The following GALNT18 variants were observed in gnomAD, a reference collection of about 807,000 sequenced individuals.
GALNT18 encodes the protein GalNAc-transferase 18.
GALNT18 carries 44 observed loss-of-function variants against 69.5 expected under a neutral mutation model. The ratio of observed to expected loss-of-function variants is 0.63; its 90% CI spans 0.50 to 0.81. The LOEUF is 0.81. Among genes scored for constraint, GALNT18 ranks in the 40% least tolerant of loss-of-function variants. GALNT18 has a pLI of 0.00. For synonymous variants in GALNT18, 364 were observed against 318.2 expected (o/e 1.14, Z -1.53); for missense variants, 715 against 810.0 (o/e 0.88, Z 1.42).
chr11:11,511,013 C>T lies in GALNT18; in HGVS notation c.236-62077G>A, dbSNP rs914585437. 3.9e-5 allele frequency among the ~76,000 whole-genome samples: 6 copies of T among 152,052 alleles called. No homozygotes were observed. The highest frequency in any genetic ancestry group is 1.9e-4 in the East Asian group (1 of 5,168). On this transcript the variant is annotated intron_variant, in intron 1 of 10. Coordinates refer to ENST00000227756, the MANE Select transcript of GALNT18 (RefSeq NM_198516.3). This position sits in a 1 kb window ranked among gnomAD's most constrained non-coding sequence, Gnocchi z 4.9. ...AGACACAACCGGCACTCTTTCCTCT[C>T]GGCGGGGCGTGCAGCTGGTACCGCC...
chr11:11,336,835 TG>T (rs1174917298), intron 7 of GALNT18, among the ~76,000 whole-genome samples: 2 of 152,188 alleles, frequency 1.3e-5, no homozygotes, highest in Non-Finnish European at 2.9e-5. Flanking sequence ...AACGAGAGTC[TG>T]GGAGTTTCAG....
intron 2 of GALNT18, among the ~76,000 whole-genome samples, chr11:11,433,598 G>T (rs1855326178): frequency 6.6e-6 from 1 of 152,158 alleles, no homozygotes; most frequent in African/African-American, 2.4e-5. Flanking sequence ...GAAGCCATTT[G>T]GTGGTCTCTT....
intron 10 of GALNT18, among the ~76,000 whole-genome samples, chr11:11,281,934 G>C (rs1179765947): frequency 1.3e-5 from 2 of 151,964 alleles, no homozygotes; most frequent in Non-Finnish European, 2.9e-5. Context: ...GGGTGCTCTA[G>C]AACTGGTAGT....
chr11:11,609,922 T>A (rs547249734), intron 1 of GALNT18, among the ~76,000 whole-genome samples: 3 of 152,276 alleles, frequency 2.0e-5, no homozygotes, highest in Admixed American at 1.3e-4. Flanking sequence ...GCCCTGAGCC[T>A]AGAGGACCCC....
chr11:11,278,769 G>A (rs143828306), intron 10 of GALNT18, among the ~76,000 whole-genome samples: 26 of 152,106 alleles, frequency 1.7e-4, no homozygotes, highest in African/African-American at 4.8e-4. Context: ...TTCGATAGAA[G>A]GAATAAGCTC....
intron 3 of GALNT18, among the ~76,000 whole-genome samples, chr11:11,403,091 T>A (rs1854504436): frequency 6.6e-6 from 1 of 151,902 alleles, no homozygotes; most frequent in Non-Finnish European, 1.5e-5. Context: ...AAATCAGGGG[T>A]CTGTACAGCA....
chr11:11,546,901 G>C lies in GALNT18; in HGVS notation c.235+74458C>G, dbSNP rs578089993. ...GGAGATGTGTATGGATGAATGGATA[G>C]ATGGGTAGGTGGATGGATATGGAAT... is the stretch of plus-strand genomic sequence containing the variant. On this transcript the variant is annotated intron_variant, in intron 1 of 10. Coordinates refer to ENST00000227756, the MANE Select transcript of GALNT18 (RefSeq NM_198516.3). The surrounding 1 kb of genome is among the most constrained non-coding windows in gnomAD (Gnocchi z 5.8). Among the ~76,000 whole-genome samples, 2 of 152,138 alleles carry C rather than the reference G, an allele frequency of 1.3e-5. No individual in the cohort carries two copies. The highest frequency in any genetic ancestry group is 2.9e-5 in the Non-Finnish European group (2 of 67,996).
At chr11:11,418,931 A>G (rs948732858) in intron 3 of GALNT18, among the ~76,000 whole-genome samples, 2 of 152,162 alleles carry the variant, frequency 1.3e-5, no homozygotes, top group African/African-American at 4.8e-5. Context: ...AAACTGCCCA[A>G]TGCCCCTTAA....
chr11:11,585,662 T>C (rs12806742), intron 1 of GALNT18, among the ~76,000 whole-genome samples: 2 of 152,074 alleles, frequency 1.3e-5, no homozygotes, highest in Non-Finnish European at 2.9e-5. Flanking sequence ...GGCCGAAAAA[T>C]CTTTTTCATA....
chr11:11,282,000 T>A (rs1208820110), intron 10 of GALNT18, among the ~76,000 whole-genome samples: 7 of 151,976 alleles, frequency 4.6e-5, no homozygotes, highest in Non-Finnish European at 8.8e-5. Flanking sequence ...TGGGAACACA[T>A]CTGGGATATG....
intron 3 of GALNT18, among the ~76,000 whole-genome samples, chr11:11,420,982 G>A (rs1854992622): frequency 6.6e-6 from 1 of 152,066 alleles, no homozygotes; most frequent in African/African-American, 2.4e-5. Context: ...TGGCTAGTCC[G>A]TAAAGCAAAA....
intron 10 of GALNT18, among the ~76,000 whole-genome samples, chr11:11,281,074 C>T (rs546715501): frequency 2.4e-4 from 37 of 152,302 alleles, no homozygotes; most frequent in Non-Finnish European, 3.7e-4. Context: ...CTGGCCCCAC[C>T]GCAGTCCTGC....
chr11:11,313,770 T>A (rs1849706119), intron 9 of GALNT18, among the ~76,000 whole-genome samples: 1 of 152,210 alleles, frequency 6.6e-6, no homozygotes, highest in South Asian at 2.1e-4. Context: ...CCCAGTTTTC[T>A]CACCTGTAAA....
At chr11:11,526,605 A>G (rs1456276484) in intron 1 of GALNT18, among the ~76,000 whole-genome samples, 1 of 152,140 alleles carries the variant, frequency 6.6e-6, no homozygotes, top group Non-Finnish European at 1.5e-5. Context: ...CCGGTAGCTT[A>G]TATCACAAAG....
intron 1 of GALNT18, among the ~76,000 whole-genome samples, chr11:11,464,704 C>T (rs1280948709): frequency 6.6e-6 from 1 of 152,218 alleles, no homozygotes; most frequent in Non-Finnish European, 1.5e-5. Context: ...GCAGCATAGC[C>T]TAGCGGGGAA....
At chr11:11,359,481 G>T (rs1850597797) in intron 6 of GALNT18, among the ~76,000 whole-genome samples, 1 of 151,762 alleles carries the variant, frequency 6.6e-6, no homozygotes, top group East Asian at 1.9e-4. Flanking sequence ...GCTCCCCTGA[G>T]CCCAGATTTC....
intron 10 of GALNT18, among the ~76,000 whole-genome samples, chr11:11,282,136 C>T (rs556510941): frequency 1.3e-5 from 2 of 152,288 alleles, no homozygotes; most frequent in South Asian, 4.1e-4. Flanking sequence ...TGTCTTCCTC[C>T]TGTCCCCCTT....
intron 1 of GALNT18, among the ~76,000 whole-genome samples, chr11:11,507,085 T>C (rs1857082194): frequency 6.6e-6 from 1 of 152,204 alleles, no homozygotes; most frequent in Non-Finnish European, 1.5e-5. Flanking sequence ...GTGAAAGTGA[T>C]CTGTGAGTTG....
At chr11:11,477,188 A>G (rs1856419781) in intron 1 of GALNT18, among the ~76,000 whole-genome samples, 1 of 152,246 alleles carries the variant, frequency 6.6e-6, no homozygotes, top group African/African-American at 2.4e-5. Context: ...GGCCAAACCC[A>G]GAACCCATGG....
Sources: gnomAD v4.1 joint callset for allele counts (sites outside exome capture counted in the v4.1 genomes callset) on GRCh38, gnomAD v4.1.1 for gene constraint, Gnocchi (gnomAD v3.1) non-coding constraint, MANE v1.5 for transcripts, NCBI Gene and HGNC (gene_info 2026-07-23, HGNC 2026-07-21) for gene names.